Variants in IQGAP1 observed in about 807,000 individuals in gnomAD.
The protein encoded by IQGAP1 is IQ motif containing GTPase activating protein 1.
Under a neutral mutation model 215.6 loss-of-function variants are expected in IQGAP1, and 66 were observed. That is an observed-to-expected ratio of 0.31 (90% CI 0.25 to 0.38). The LOEUF is 0.38. Ranked by LOEUF, IQGAP1 falls within the 10% of genes least tolerant of loss-of-function variation. The pLI is 1.00. For missense variants in IQGAP1, 1,712 were observed against 1,997.1 expected (o/e 0.86, Z 2.72); for synonymous variants, 772 against 728.7 (o/e 1.06, Z -0.96).
rs373710472 is a variant in IQGAP1, at chr15:90,477,138, T to G, written c.3012T>G (p.Ser1004=). 2 of 1,614,038 alleles carry G rather than the reference T, an allele frequency of 1.2e-6. No individual in the cohort carries two copies. Among genetic ancestry groups the G allele is most frequent in the East Asian group, 2.2e-5 (1 of 44,888 alleles). ...ACAAGTCCACCAAGTTCATGGACTC[T>G]GTAATCTTCACACTCTACAACTACG... ...PQNKSTKFMD[S]VIFTLYNYAS... is the part of the protein sequence containing the mutation. Residue 1004 remains serine, a synonymous_variant, in exon 25 of 38, where the codon TCT becomes TCG. Coordinates refer to ENST00000268182, the MANE Select transcript of IQGAP1 (RefSeq NM_003870.4).
intron 23 of IQGAP1, among the ~76,000 whole-genome samples, chr15:90,476,079 G>A (rs770858408): frequency 3.9e-4 from 59 of 151,934 alleles, no homozygotes; most frequent in Non-Finnish European, 7.5e-4. Flanking sequence ...AGGACGACAG[G>A]TGCATGCCAC....
At chr15:90,435,326 A>G (rs940853138) in intron 5 of IQGAP1, among the ~76,000 whole-genome samples, 6 of 152,154 alleles carry the variant, frequency 3.9e-5, no homozygotes, top group Non-Finnish European at 8.8e-5. Flanking sequence ...GAAATAAAAA[A>G]TTAGCTAGGC....
intron 26 of IQGAP1, 54 bp from the exon 27 acceptor site, chr15:90,481,899 TGCTTCAG>T: frequency 1.9e-6 from 3 of 1,566,846 alleles, no homozygotes; most frequent in Non-Finnish European, 2.6e-6. Context: ...ATAAGACACT[TGCTTCAG>T]GCTGTTCCTG....
At chr15:90,401,167 C>G (rs1431665038) in intron 2 of IQGAP1, among the ~76,000 whole-genome samples, 1 of 151,888 alleles carries the variant, frequency 6.6e-6, no homozygotes, top group Non-Finnish European at 1.5e-5. Context: ...GGGCTCTGCT[C>G]CTTAATTTTT....
intron 36 of IQGAP1, among the ~76,000 whole-genome samples, chr15:90,495,569 C>T (rs761973997): frequency 9.2e-5 from 14 of 151,472 alleles, no homozygotes; most frequent in Non-Finnish European, 1.6e-4. Context: ...AGATTATACA[C>T]GACTCACCCA....
chr15:90,478,849 A>G (rs1253431812), intron 26 of IQGAP1, among the ~76,000 whole-genome samples: 1 of 152,214 alleles, frequency 6.6e-6, no homozygotes, highest in East Asian at 1.9e-4. Flanking sequence ...TCCCTGAAAT[A>G]TCGTGAGTTG....
At chr15:90,409,089 C>T (rs898893077) in intron 2 of IQGAP1, among the ~76,000 whole-genome samples, 1 of 151,994 alleles carries the variant, frequency 6.6e-6, no homozygotes, top group Non-Finnish European at 1.5e-5. Context: ...TATTATTTTC[C>T]CAACTATAAC....
intron 11 of IQGAP1, among the ~76,000 whole-genome samples, chr15:90,451,988 C>A (rs766289721): frequency 6.6e-6 from 1 of 152,136 alleles, no homozygotes; most frequent in Non-Finnish European, 1.5e-5. Flanking sequence ...TGCCACCACA[C>A]CTAGCTCATT....
At chr15:90,485,900 T>G in intron 30 of IQGAP1, 130 bp from the exon 31 acceptor site, 1 of 646,788 alleles carries the variant, frequency 1.5e-6, no homozygotes, top group African/African-American at 1.8e-5. Context: ...TTGCTGAGGA[T>G]TTGCTTGTTG....
Position 90,445,734 on chromosome 15 carries a change from G to A in IQGAP1, c.913+2256G>A, listed in dbSNP as rs545902692. On this transcript the variant is annotated intron_variant, in intron 9 of 37. Coordinates refer to ENST00000268182, the MANE Select transcript of IQGAP1 (RefSeq NM_003870.4). ...AGTAATTGTTCTCATTGTTCATTTG[G>A]AGGGCCAAATTTCTCATTTGAACTA... Among the ~76,000 whole-genome samples, 17 of 152,198 alleles carry A rather than the reference G, an allele frequency of 1.1e-4. 1 individual carries two copies. The highest frequency in any genetic ancestry group is 3.4e-3 in the Middle Eastern group (1 of 294).
In IQGAP1 at chr15:90,483,499, C is replaced by T. The variant is rs140035684; in HGVS notation, c.3694C>T (p.Leu1232Phe). 537 of 1,614,198 alleles carry T rather than the reference C, an allele frequency of 3.3e-4. No individual in the cohort carries two copies. Among genetic ancestry groups the T allele is most frequent in the Non-Finnish European group, 4.1e-4 (488 of 1,180,030 alleles). The change falls in exon 29 of 38, where the codon CTT (leucine) becomes TTT (phenylalanine). Residue 1232 changes from leucine (L) to phenylalanine (F), a missense_variant. This residue lies in a region of IQGAP1 where 691 missense variants were observed against 923.0 expected (regional missense o/e 0.75). Transcript: ENST00000268182. The stretch of plus-strand genomic sequence containing the variant: ...AAATCTGGGCTCCATTGCAAAAATG[C>T]TTCAGCATGCTGCTTCCAATAAGAT... Reference protein sequence around the residue: ...RRNLGSIAKMLQHAASNKMFL... With the variant: ...RRNLGSIAKMFQHAASNKMFL...
chr15:90,446,205 C>A (rs1296797270), intron 9 of IQGAP1, among the ~76,000 whole-genome samples: 3 of 152,062 alleles, frequency 2.0e-5, no homozygotes, highest in African/African-American at 4.8e-5. Flanking sequence ...TTTTCTCTAC[C>A]TTACTGTTTG....
At chr15:90,432,717 A>G (rs1329721460) in intron 4 of IQGAP1, among the ~76,000 whole-genome samples, 1 of 152,144 alleles carries the variant, frequency 6.6e-6, no homozygotes, top group Non-Finnish European at 1.5e-5. Context: ...TTTGCTCTCT[A>G]TCATGATTCA....
chr15:90,442,312 C>G (rs1460985391), intron 8 of IQGAP1, among the ~76,000 whole-genome samples: 1 of 151,468 alleles, frequency 6.6e-6, no homozygotes, highest in South Asian at 2.1e-4. Flanking sequence ...AAAAATTAGC[C>G]CAGCGTTGTG....
intron 2 of IQGAP1, among the ~76,000 whole-genome samples, chr15:90,422,676 A>ATG (rs1356822105): frequency 4.0e-5 from 5 of 126,150 alleles, no homozygotes; most frequent in African/African-American, 1.7e-4. Context: ...ATATATATAT[A>ATG]TATAATTTTT....
At chr15:90,420,383 G>A (rs939213228) in intron 2 of IQGAP1, among the ~76,000 whole-genome samples, 3 of 152,066 alleles carry the variant, frequency 2.0e-5, no homozygotes, top group Non-Finnish European at 4.4e-5. Flanking sequence ...TTATTTTTAC[G>A]TTCTCTTGCT....
intron 11 of IQGAP1, 101 bp downstream of exon 11, chr15:90,449,744 A>G (rs959944153): frequency 1.6e-5 from 14 of 889,198 alleles, no homozygotes; most frequent in African/African-American, 1.4e-4. Flanking sequence ...CTCTGAGCCT[A>G]CTAGCCATAA....
rs376420903 is a variant in IQGAP1, at chr15:90,482,117, G to A, written c.3470+17G>A. 2 of 1,614,208 alleles carry A rather than the reference G, an allele frequency of 1.2e-6. No individual in the cohort carries two copies. Among genetic ancestry groups the A allele is most frequent in the Admixed American group, 3.3e-5 (2 of 60,022 alleles). The stretch of plus-strand genomic sequence containing the variant: ...CAAAATCCCGTGAGTGCCATCAGTT[G>A]TCATGACCCCCAGTAGAACCCAGCA... On this transcript the variant is annotated intron_variant, in intron 27 of 37. Coordinates refer to ENST00000268182, the MANE Select transcript of IQGAP1 (RefSeq NM_003870.4).
At chr15:90,475,325 G>A (rs372039575) in intron 23 of IQGAP1, among the ~76,000 whole-genome samples, 5 of 152,040 alleles carry the variant, frequency 3.3e-5, no homozygotes, top group African/African-American at 1.2e-4. Context: ...AGAGACGGGG[G>A]TTTCACCATG....
Sources: allele counts gnomAD v4.1 joint callset (sites outside exome capture counted in the v4.1 genomes callset), GRCh38; gene constraint gnomAD v4.1.1; regional missense constraint gnomAD v4.1.1; transcripts MANE v1.5; gene names NCBI Gene and HGNC (gene_info 2026-07-23, HGNC 2026-07-21).